The following SHISA6 variants were observed in gnomAD, a reference collection of about 807,000 sequenced individuals.
SHISA6 encodes the protein protein shisa-6.
SHISA6 carries 22 observed loss-of-function variants against 47.9 expected under a neutral mutation model. That is an observed-to-expected ratio of 0.46 (90% CI 0.33 to 0.66). SHISA6 has a LOEUF of 0.66. Ranked by LOEUF, SHISA6 falls within the 30% of genes least tolerant of loss-of-function variation. SHISA6 has a pLI of 0.02. For synonymous variants in SHISA6, 388 were observed against 337.8 expected (o/e 1.15, Z -1.63); for missense variants, 680 against 764.6 (o/e 0.89, Z 1.30).
intron 3 of SHISA6, among the ~76,000 whole-genome samples, chr17:11,507,140 A>C (rs966217812): frequency 6.6e-6 from 1 of 152,250 alleles, no homozygotes; most frequent in Non-Finnish European, 1.5e-5. Context: ...CCACCACATT[A>C]GTATCTCATA....
At chr17:11,269,525 C>T (rs555510957) in intron 2 of SHISA6, among the ~76,000 whole-genome samples, 6 of 152,314 alleles carry the variant, frequency 3.9e-5, no homozygotes, top group African/African-American at 1.4e-4. Flanking sequence ...GGCTTGGAAG[C>T]CCAGGCAACC....
intron 3 of SHISA6, among the ~76,000 whole-genome samples, chr17:11,482,530 A>C (rs1916248429): frequency 6.6e-6 from 1 of 152,184 alleles, no homozygotes; most frequent in Admixed American, 6.5e-5. Context: ...AAAAAATTAC[A>C]CTAACATGTT....
At chr17:11,331,117 C>T (rs937886725) in intron 2 of SHISA6, among the ~76,000 whole-genome samples, 3 of 152,300 alleles carry the variant, frequency 2.0e-5, no homozygotes, top group African/African-American at 7.2e-5. Flanking sequence ...CAGTAACTCT[C>T]CCAGGGTGAT....
At chr17:11,533,104 T>C (rs1275828278) in intron 3 of SHISA6, among the ~76,000 whole-genome samples, 1 of 152,140 alleles carries the variant, frequency 6.6e-6, no homozygotes, top group East Asian at 1.9e-4. Context: ...GAATGAGTCC[T>C]CTGATGAAAA....
chr17:11,374,563 CT>C (rs1285838300), intron 2 of SHISA6, among the ~76,000 whole-genome samples: 1 of 151,878 alleles, frequency 6.6e-6, no homozygotes, highest in Non-Finnish European at 1.5e-5. Flanking sequence ...TATTTTTCCC[CT>C]ATTTAGTGAA....
intron 2 of SHISA6, among the ~76,000 whole-genome samples, chr17:11,313,347 A>G (rs1360631710): frequency 6.6e-6 from 1 of 152,164 alleles, no homozygotes; most frequent in East Asian, 1.9e-4. Flanking sequence ...TAGCTTATTC[A>G]TATTATTTTC....
chr17:11,338,747 T>A (rs938713937), intron 2 of SHISA6, among the ~76,000 whole-genome samples: 1 of 152,136 alleles, frequency 6.6e-6, no homozygotes, highest in African/African-American at 2.4e-5. Context: ...GATTTATCTG[T>A]CTTTTCATTG....
intron 2 of SHISA6, among the ~76,000 whole-genome samples, chr17:11,299,493 C>T (rs1909851374): frequency 6.6e-6 from 1 of 152,086 alleles, no homozygotes; most frequent in Non-Finnish European, 1.5e-5. Flanking sequence ...ATTAAAACAA[C>T]ACACATTTAT....
intron 2 of SHISA6, among the ~76,000 whole-genome samples, chr17:11,360,094 A>T (rs536969419): frequency 6.6e-6 from 1 of 152,386 alleles, no homozygotes; most frequent in African/African-American, 2.4e-5. Context: ...AGACTGGATC[A>T]AGAAAATGTT....
intron 3 of SHISA6, among the ~76,000 whole-genome samples, chr17:11,546,772 T>A (rs2071886972): frequency 6.6e-6 from 1 of 151,960 alleles, no homozygotes; most frequent in African/African-American, 2.4e-5. Context: ...ATACAAAAAA[T>A]TAGCTGGATG....
At chr17:11,277,101 T>TA (rs1316406681) in intron 2 of SHISA6, among the ~76,000 whole-genome samples, 1 of 152,102 alleles carries the variant, frequency 6.6e-6, no homozygotes, top group Non-Finnish European at 1.5e-5. Context: ...TGAGAGGTCT[T>TA]ACCCAAAGGA....
At chr17:11,284,251 G>A (rs1909221384) in intron 2 of SHISA6, among the ~76,000 whole-genome samples, 1 of 152,126 alleles carries the variant, frequency 6.6e-6, no homozygotes, top group African/African-American at 2.4e-5. Flanking sequence ...TTCTCACCTA[G>A]TCAAAAGTCC....
At chr17:11,454,449 T>G (rs1218583916) in intron 3 of SHISA6, among the ~76,000 whole-genome samples, 3 of 152,184 alleles carry the variant, frequency 2.0e-5, no homozygotes, top group African/African-American at 7.2e-5. Flanking sequence ...ACTTCAAGCC[T>G]CCCATTGACA....
chr17:11,317,737 A>C (rs1227906596), intron 2 of SHISA6, among the ~76,000 whole-genome samples: 1 of 150,704 alleles, frequency 6.6e-6, no homozygotes, highest in African/African-American at 2.4e-5. Context: ...CTATTTTGGT[A>C]GTCTTCTTTC....
chr17:11,274,396 C>T (rs867401710), intron 2 of SHISA6, among the ~76,000 whole-genome samples: 4 of 152,170 alleles, frequency 2.6e-5, no homozygotes, highest in Non-Finnish European at 5.9e-5. Flanking sequence ...GTTGGCAAAA[C>T]GAAGGAAGCA....
In SHISA6 at chr17:11,247,570, G is replaced by T. The variant is rs542664937; in HGVS notation, c.638+5510G>T. On this transcript the variant is annotated intron_variant, in intron 1 of 5. Coordinates refer to ENST00000441885, the MANE Select transcript of SHISA6 (RefSeq NM_207386.4). ...TCACCTCTGGAACCACAAAATGATG[G>T]TTTCAATTTACAAGCATGTAAGATG... Among the ~76,000 whole-genome samples the T allele has an allele frequency of 7.4e-4, 112 of 151,886 alleles. 1 individual carries two copies. The highest frequency in any genetic ancestry group is 7.3e-3 in the Admixed American group (112 of 15,268).
chr17:11,528,347 T>C (rs1215986969), intron 3 of SHISA6, among the ~76,000 whole-genome samples: 1 of 152,216 alleles, frequency 6.6e-6, no homozygotes, highest in East Asian at 1.9e-4. Flanking sequence ...CCCAAATTCA[T>C]CAGCAAATGT....
At chr17:11,307,645 C>T (rs968776232) in intron 2 of SHISA6, among the ~76,000 whole-genome samples, 16 of 152,100 alleles carry the variant, frequency 1.1e-4, no homozygotes, top group African/African-American at 1.9e-4. Flanking sequence ...CCATGGAAGA[C>T]GGGGAGAATG....
intron 2 of SHISA6, among the ~76,000 whole-genome samples, chr17:11,345,306 AC>A (rs1911664757): frequency 6.6e-6 from 1 of 152,100 alleles, no homozygotes; most frequent in Non-Finnish European, 1.5e-5. Context: ...TTGGATAAAT[AC>A]CCAGTAGTGG....
Sources: allele counts gnomAD v4.1 joint callset (sites outside exome capture counted in the v4.1 genomes callset), GRCh38; gene constraint gnomAD v4.1.1; transcripts MANE v1.5; gene names NCBI Gene and HGNC (gene_info 2026-07-23, HGNC 2026-07-21).